The following ACIN1 variants were observed in gnomAD, a reference collection of about 807,000 sequenced individuals.
ACIN1 encodes apoptotic chromatin condensation inducer 1, also known as apoptotic chromatin condensation inducer in the nucleus.
Under a neutral mutation model 146.6 loss-of-function variants are expected in ACIN1, and 16 were observed. The ratio of observed to expected loss-of-function variants is 0.11; its 90% CI spans 0.07 to 0.17. The LOEUF (loss-of-function observed/expected upper bound fraction) is 0.17, where lower values mean the gene tolerates loss of function less well. Among genes scored for constraint, ACIN1 ranks in the 10% least tolerant of loss-of-function variants. The pLI, the probability that ACIN1 is intolerant of heterozygous loss-of-function variation, is 1.00. For synonymous variants in ACIN1, 569 were observed against 582.7 expected (o/e 0.98, Z 0.34); for missense variants, 1,357 against 1,609.3 (o/e 0.84, Z 2.68).
intron 9 of ACIN1, 123 bp from the exon 10 acceptor site, chr14:23,066,131 G>C (rs971971535): frequency 7.1e-5 from 49 of 693,384 alleles, no homozygotes; most frequent in Admixed American, 1.1e-4. Flanking sequence ...GTGAGAGAGA[G>C]AGACAGAGAG....
chr14:23,063,139 G>A (rs2047340547), intron 13 of ACIN1, 65 bp from the exon 14 acceptor site: 1 of 1,493,316 alleles, frequency 6.7e-7, no homozygotes. Flanking sequence ...CACCCTCAAT[G>A]TAACTCTCAC....
chr14:23,060,564 G>C (rs1359404943), intron 18 of ACIN1, among the ~76,000 whole-genome samples: 3 of 151,688 alleles, frequency 2.0e-5, no homozygotes, highest in Non-Finnish European at 4.4e-5. Context: ...CCAGGCTGGA[G>C]TGCAATGGCA....
At chr14:23,073,607 G>A (rs1385599402) in intron 8 of ACIN1, among the ~76,000 whole-genome samples, 2 of 152,042 alleles carry the variant, frequency 1.3e-5, no homozygotes, top group African/African-American at 4.8e-5. Flanking sequence ...GTGGTGAGCC[G>A]AGATCGTGCC....
intron 10 of ACIN1, among the ~76,000 whole-genome samples, chr14:23,065,276 G>A (rs1343313914): frequency 6.6e-6 from 1 of 152,136 alleles, no homozygotes; most frequent in Non-Finnish European, 1.5e-5. Context: ...TCATTTCCTT[G>A]GGTGCTCTCT....
intron 2 of ACIN1, among the ~76,000 whole-genome samples, chr14:23,092,564 T>C (rs2048256397): frequency 6.6e-6 from 1 of 152,222 alleles, no homozygotes; most frequent in Admixed American, 6.5e-5. Flanking sequence ...GCTCTCTTGT[T>C]TTCCACAGTA....
chr14:23,069,500 A>T lies in ACIN1; in HGVS notation c.2241T>A (p.Ser747Arg). ...QVSNDDRPEG[S>R]VEDEEKKESS... ...CCTCTTTCTTCTCCTCATCTTCAACACTGCCCTCCGGGCGGTCATCATTGC... is the reference window on the plus strand; with the variant it reads ...CCTCTTTCTTCTCCTCATCTTCAACTCTGCCCTCCGGGCGGTCATCATTGC... Residue 747 changes from serine to arginine, a missense_variant, in exon 9 of 19, where the codon AGT (serine) becomes AGA (arginine). Transcript: ENST00000605057. The T allele has an allele frequency of 6.2e-7, 1 of 1,613,878 alleles. No homozygotes were observed. Among genetic ancestry groups the T allele is most frequent in the Non-Finnish European group, 8.5e-7 (1 of 1,179,904 alleles).
Position 23,068,637 on chromosome 14 carries a change from T to C in ACIN1, c.2265+839A>G. ...TCAGCGATTGGCCAGTTGGGCAGGG[T>C]TATATTTTACGGGCGGATTACCGTA... is the stretch of plus-strand genomic sequence containing the variant. On this transcript the variant is annotated intron_variant, in intron 9 of 18. Transcript: ENST00000605057. This position sits in a 1 kb window ranked among gnomAD's most constrained non-coding sequence, Gnocchi z 4.3. The C allele has an allele frequency of 1.0e-6, 1 of 985,844 alleles. No individual in the cohort carries two copies. The highest frequency in any genetic ancestry group is 1.2e-6 in the Non-Finnish European group (1 of 829,950). The allele number at this position is 985,844 out of a possible 1,614,324, so 61.1% of individuals were successfully genotyped here.
At position 23,081,778 on chromosome 14, in the gene ACIN1, T is replaced by C. The variant is rs201946589; in HGVS notation, c.495A>G (p.Lys165=). 1.4e-5 allele frequency: 22 copies of C among 1,613,190 alleles called. No homozygotes were observed. The East Asian group carries it at 4.2e-4, about 31-fold the overall frequency. The change falls in exon 5 of 19, where the codon AAA becomes AAG. Residue 165 remains lysine, a synonymous_variant. Coordinates refer to ENST00000605057, the MANE Select transcript of ACIN1 (RefSeq NM_001386863.1). ...KGDSDDEKPR[K]GERRSSRVRQ... ...TGACCCTAGATGATCGTCTTTCTCC[T>C]TTCCTTGGTTTCTCATCATCAGAGT...
chr14:23,068,996 T>C lies in ACIN1; in HGVS notation c.2265+480A>G, dbSNP rs1161221127. 2 of 985,444 alleles carry C rather than the reference T, an allele frequency of 2.0e-6. No individual in the cohort carries two copies. Among genetic ancestry groups the C allele is most frequent in the South Asian group, 4.7e-5 (1 of 21,302 alleles). The allele number at this position is 985,444 out of a possible 1,614,324, so 61.0% of individuals were successfully genotyped here. On this transcript the variant is annotated intron_variant, in intron 9 of 18. Coordinates refer to ENST00000605057, the MANE Select transcript of ACIN1 (RefSeq NM_001386863.1). The surrounding 1 kb of genome is among the most constrained non-coding windows in gnomAD (Gnocchi z 4.3). The stretch of plus-strand genomic sequence containing the variant: ...CGGATCACAAGTGCTGGCTTCTAAG[T>C]AGCTACATCTCTGCAGTCAGACCAC...
chr14:23,066,999 G>A (rs1291739637), intron 9 of ACIN1, among the ~76,000 whole-genome samples: 2 of 152,060 alleles, frequency 1.3e-5, no homozygotes, highest in African/African-American at 4.8e-5. Context: ...CAGAAACCTC[G>A]TGATGAAATC....
Position 23,067,203 on chromosome 14 carries a change from G to A in ACIN1, c.2266-1195C>T, listed in dbSNP as rs1293618511. On this transcript the variant is annotated intron_variant, in intron 9 of 18. Coordinates refer to ENST00000605057, the MANE Select transcript of ACIN1 (RefSeq NM_001386863.1). The surrounding 1 kb of genome is among the most constrained non-coding windows in gnomAD (Gnocchi z 4.6). ...CCAAATAAATAAATAAAAGAAATCAGAAAAAATAAAGATATAGAAAAAAAT... is the reference window on the plus strand; with the variant it reads ...CCAAATAAATAAATAAAAGAAATCAAAAAAAATAAAGATATAGAAAAAAAT... 1 of 721,982 alleles carries A rather than the reference G, an allele frequency of 1.4e-6. No homozygotes were observed. The highest frequency in any genetic ancestry group is 1.7e-6 in the Non-Finnish European group (1 of 591,698). 44.7% of individuals were successfully genotyped at this position (721,982 alleles called of 1,614,324 possible).
At chr14:23,094,168 C>G (rs1423131326) in intron 1 of ACIN1, among the ~76,000 whole-genome samples, 1 of 150,792 alleles carries the variant, frequency 6.6e-6, no homozygotes, top group African/African-American at 2.4e-5. Context: ...AAGCAACGGT[C>G]TGCCAACTCA....
chr14:23,059,092 G>T lies in ACIN1; in HGVS notation c.*56C>A. 1 of 1,548,016 alleles carries T rather than the reference G, an allele frequency of 6.5e-7. No homozygotes were observed. On this transcript the variant is annotated 3_prime_UTR_variant, in exon 19 of 19. Coordinates refer to ENST00000605057, the MANE Select transcript of ACIN1 (RefSeq NM_001386863.1). ...GTGGAGACTGTGCCTATCCCTCTGT[G>T]GCCATAACCCCCTGGGGCCGAGTGG...
chr14:23,065,899 G>A (rs752617773), intron 10 of ACIN1, 67 bp downstream of exon 10: 34 of 1,437,866 alleles, frequency 2.4e-5, no homozygotes, highest in Admixed American at 1.7e-4. Flanking sequence ...ATGAAATTCT[G>A]GTTCTCAATG....
chr14:23,078,185 G>T lies in ACIN1; in HGVS notation c.2089C>A (p.His697Asn). The change falls in exon 8 of 19, where the codon CAT becomes AAT. Residue 697 changes from histidine to asparagine, a missense_variant. His to Asn is a moderately conservative substitution (Grantham distance 68). Around this residue, in one of 4 missense-constraint regions of ACIN1, gnomAD observed 771 missense variants for 746.6 expected, o/e 1.03. Coordinates refer to ENST00000605057, the MANE Select transcript of ACIN1 (RefSeq NM_001386863.1). Reference sequence around the variant, plus strand: ...TGAATTCTTTCTGATTCTGGCAGATGAGAGGTCTGAGTCTCTGAGGTTTGG... The same window carrying T: ...TGAATTCTTTCTGATTCTGGCAGATTAGAGGTCTGAGTCTCTGAGGTTTGG... ...QPQTSETQTS[H>N]LPESERIHHT... 1 of 1,614,232 alleles carries T rather than the reference G, an allele frequency of 6.2e-7. No homozygotes were observed. Among genetic ancestry groups the T allele is most frequent in the South Asian group, 1.1e-5 (1 of 91,074 alleles).
At chr14:23,062,601 T>C in intron 14 of ACIN1, 78 bp from the exon 15 acceptor site, 1 of 1,343,872 alleles carries the variant, frequency 7.4e-7, no homozygotes, top group Non-Finnish European at 1.1e-6. Context: ...CGAGCTGCTG[T>C]CACAGGAGTA....
At chr14:23,060,627 T>C (rs1339408508) in intron 18 of ACIN1, among the ~76,000 whole-genome samples, 1 of 152,188 alleles carries the variant, frequency 6.6e-6, no homozygotes, top group African/African-American at 2.4e-5. Context: ...ATTCTCCTCC[T>C]CAGCCTCCCA....
At chr14:23,093,581 G>A (rs779792602) in intron 1 of ACIN1, 37 bp from the exon 2 acceptor site, 7 of 1,558,064 alleles carry the variant, frequency 4.5e-6, no homozygotes, top group Admixed American at 1.8e-5. Flanking sequence ...AAATGATGAG[G>A]AAAAAAAAGA....
intron 9 of ACIN1, chr14:23,066,267 C>G (rs1481047093): frequency 5.0e-6 from 2 of 398,274 alleles, no homozygotes; most frequent in African/African-American, 4.2e-5. Flanking sequence ...TACTCCGTAT[C>G]ACACCTGTGT....
Sources: allele counts gnomAD v4.1 joint callset (sites outside exome capture counted in the v4.1 genomes callset), GRCh38; gene constraint gnomAD v4.1.1; regional missense constraint gnomAD v4.1.1; non-coding constraint Gnocchi (gnomAD v3.1); transcripts MANE v1.5; gene names NCBI Gene and HGNC (gene_info 2026-07-23, HGNC 2026-07-21).